TOM1L2: variants seen among roughly 807,000 people sequenced by gnomAD.
The protein encoded by TOM1L2 is TOM1-like protein 2.
In TOM1L2, 31 loss-of-function variants were observed where a neutral mutation model predicts 67.9. The ratio of observed to expected loss-of-function variants is 0.46; its 90% CI spans 0.34 to 0.62. The LOEUF is 0.62. Ranked by LOEUF, TOM1L2 falls within the 20% of genes least tolerant of loss-of-function variation. TOM1L2 has a pLI of 0.01. For synonymous variants in TOM1L2, 256 were observed against 254.0 expected (o/e 1.01, Z -0.07); for missense variants, 606 against 663.5 (o/e 0.91, Z 0.95).
At chr17:17,922,131 C>T (rs754514174) in intron 1 of TOM1L2, among the ~76,000 whole-genome samples, 1 of 152,170 alleles carries the variant, frequency 6.6e-6, no homozygotes, top group Non-Finnish European at 1.5e-5. Context: ...AAGCACTCCC[C>T]AGGAAAGACC....
chr17:17,872,091 A>T, intron 7 of TOM1L2: 2 of 974,108 alleles, frequency 2.1e-6, no homozygotes, highest in Non-Finnish European at 2.4e-6. Context: ...ACAGGCGCCA[A>T]TGGACACTCA....
intron 1 of TOM1L2, among the ~76,000 whole-genome samples, chr17:17,944,956 C>G (rs2040879176): frequency 6.6e-6 from 1 of 152,198 alleles, no homozygotes; most frequent in South Asian, 2.1e-4. Flanking sequence ...ATTCCCAACA[C>G]CGTACTCCTG....
intron 1 of TOM1L2, among the ~76,000 whole-genome samples, chr17:17,945,411 T>C (rs867986517): frequency 1.3e-5 from 2 of 152,164 alleles, no homozygotes; most frequent in African/African-American, 4.8e-5. Flanking sequence ...AACTGGGAAG[T>C]AGCTGTTCTC....
At position 17,938,434 on chromosome 17, in the gene TOM1L2, C is replaced by G. The variant is rs542712305; in HGVS notation, c.53-30903G>C. Among the ~76,000 whole-genome samples the G allele has an allele frequency of 4.6e-5, 7 of 152,242 alleles. No individual in the cohort carries two copies. The South Asian group carries it at 1.5e-3, about 32-fold the overall frequency. On this transcript the variant is annotated intron_variant, in intron 1 of 14. Coordinates refer to ENST00000379504, the MANE Select transcript of TOM1L2 (RefSeq NM_001082968.2). ...TGCCTTCTTCACTGGTAACATAAGG[C>G]TGACAACAGTCCCGCTCTGACTAGG...
At chr17:17,860,712 C>T (rs530610239) in intron 12 of TOM1L2, among the ~76,000 whole-genome samples, 6 of 152,374 alleles carry the variant, frequency 3.9e-5, no homozygotes, top group African/African-American at 1.4e-4. Context: ...TGCAAACAGA[C>T]GTGCATTCAT....
At chr17:17,954,164 G>A (rs2041328217) in intron 1 of TOM1L2, among the ~76,000 whole-genome samples, 1 of 152,246 alleles carries the variant, frequency 6.6e-6, no homozygotes, top group Non-Finnish European at 1.5e-5. Flanking sequence ...AAGAGAGAAG[G>A]GATGCTTTGC....
intron 1 of TOM1L2, among the ~76,000 whole-genome samples, chr17:17,928,632 C>T (rs1440164243): frequency 6.6e-6 from 1 of 152,212 alleles, no homozygotes. Flanking sequence ...TGGGATCTCA[C>T]AGTCCTCACT....
intron 7 of TOM1L2, among the ~76,000 whole-genome samples, chr17:17,873,679 G>C (rs557413695): frequency 1.1e-4 from 16 of 152,352 alleles, no homozygotes; most frequent in African/African-American, 3.8e-4. Flanking sequence ...GCTGGGTGCT[G>C]GGGACGAAGC....
intron 4 of TOM1L2, among the ~76,000 whole-genome samples, chr17:17,888,326 A>C (rs1416353207): frequency 3.3e-5 from 5 of 152,256 alleles, no homozygotes; most frequent in Non-Finnish European, 7.3e-5. Flanking sequence ...TGGACCGTAT[A>C]CAAAACCCCA....
At chr17:17,966,439 C>G (rs2041874368) in intron 1 of TOM1L2, among the ~76,000 whole-genome samples, 1 of 152,164 alleles carries the variant, frequency 6.6e-6, no homozygotes, top group Non-Finnish European at 1.5e-5. Flanking sequence ...AACTTCAAAG[C>G]AAGAACTACA....
At chr17:17,921,664 G>T (rs11078405) in intron 1 of TOM1L2, among the ~76,000 whole-genome samples, 81,887 of 150,686 alleles carry the variant, frequency 0.54, 24,359 homozygotes, top group East Asian at 0.94. Context: ...ACAGGTGGGG[G>T]TGGCTGGGAG....
intron 1 of TOM1L2, among the ~76,000 whole-genome samples, chr17:17,921,970 CCCGA>C (rs1190143801): frequency 6.6e-6 from 1 of 152,082 alleles, no homozygotes; most frequent in Non-Finnish European, 1.5e-5. Context: ...TTGAGCTTCT[CCCGA>C]TGACAGAGAC....
chr17:17,951,912 C>T (rs1187038835), intron 1 of TOM1L2, among the ~76,000 whole-genome samples: 1 of 152,226 alleles, frequency 6.6e-6, no homozygotes, highest in Non-Finnish European at 1.5e-5. Context: ...CAAACAGTCA[C>T]TCGGGCTCTG....
rs193213610 is a variant in TOM1L2 at position 17,939,731 on chromosome 17, T to C, written c.53-32200A>G. Among the ~76,000 whole-genome samples, 294 of 152,330 alleles carry C rather than the reference T, an allele frequency of 1.9e-3. 1 individual carries two copies. Among genetic ancestry groups the C allele is most frequent in the Admixed American group, 4.7e-3 (72 of 15,296 alleles). On this transcript the variant is annotated intron_variant, in intron 1 of 14. Coordinates refer to ENST00000379504, the MANE Select transcript of TOM1L2 (RefSeq NM_001082968.2). ...TAAATTTGAAGATAAAATTGACACA[T>C]TCAATATTCTTAGAGAAAAGTTAAA...
intron 10 of TOM1L2, among the ~76,000 whole-genome samples, 191 bp from the exon 11 acceptor site, chr17:17,863,039 C>T (rs1038940001): frequency 6.6e-6 from 1 of 152,294 alleles, no homozygotes; most frequent in Middle Eastern, 3.4e-3. Flanking sequence ...GGGGACAGAA[C>T]AGCCACTGCC....
intron 1 of TOM1L2, among the ~76,000 whole-genome samples, chr17:17,946,781 A>G (rs142050683): frequency 0.013 from 1,936 of 152,070 alleles, 29 homozygotes; most frequent in Non-Finnish European, 0.021. Flanking sequence ...CTGGAGCGCA[A>G]TGGCACAATC....
chr17:17,868,359 CT>C (rs2036970117), intron 8 of TOM1L2, among the ~76,000 whole-genome samples: 2 of 152,218 alleles, frequency 1.3e-5, no homozygotes, highest in Admixed American at 6.5e-5. Context: ...CAAAATCACC[CT>C]TTAGGTCCCC....
chr17:17,910,561 C>T (rs947529124), intron 1 of TOM1L2, among the ~76,000 whole-genome samples: 1 of 151,700 alleles, frequency 6.6e-6, no homozygotes, highest in Non-Finnish European at 1.5e-5. Flanking sequence ...GTGATTATTA[C>T]TATTATTATT....
At chr17:17,912,362 G>C (rs557723015) in intron 1 of TOM1L2, among the ~76,000 whole-genome samples, 1 of 151,078 alleles carries the variant, frequency 6.6e-6, no homozygotes, top group Admixed American at 6.6e-5. Flanking sequence ...GGTGGCTGCC[G>C]GGCGGAGAGG....
Sources: allele counts gnomAD v4.1 joint callset (sites outside exome capture counted in the v4.1 genomes callset), GRCh38; gene constraint gnomAD v4.1.1; transcripts MANE v1.5; gene names NCBI Gene and HGNC (gene_info 2026-07-23, HGNC 2026-07-21).